Variants in POTEG observed in about 807,000 individuals in gnomAD.
POTEG encodes the protein ANKRD26-like family C member 2.
POTEG carries 2 observed loss-of-function variants against 49.6 expected under a neutral mutation model. The observed-to-expected ratio is 0.04, with a 90% CI of 0.02 to 0.13. The LOEUF is 0.13. Ranked by LOEUF, POTEG falls within the 10% of genes least tolerant of loss-of-function variation. The probability of loss-of-function intolerance (pLI) is 1.00; values close to 1 mark genes in which losing one functional copy is unlikely to be tolerated. For synonymous variants in POTEG, 7 were observed against 186.6 expected (o/e 0.04, Z 7.84); for missense variants, 26 against 545.2 (o/e 0.05, Z 9.48).
chr14:19,432,393 TA>T (rs1566383227), intron 1 of POTEG, among the ~76,000 whole-genome samples: 1 of 93,562 alleles, frequency 1.1e-5, no homozygotes, highest in Non-Finnish European at 2.3e-5. Context: ...TATATATATA[TA>T]TATATATATA....
At chr14:19,432,403 T>TATATACATAC (rs1330765784) in intron 1 of POTEG, among the ~76,000 whole-genome samples, 6 of 44,724 alleles carry the variant, frequency 1.3e-4, no homozygotes, top group East Asian at 5.6e-4. Flanking sequence ...TATATATATA[T>TATATACATAC]ACACACACAT....
At chr14:19,432,468 A>G (rs1352250848) in intron 1 of POTEG, among the ~76,000 whole-genome samples, 1 of 120,076 alleles carries the variant, frequency 8.3e-6, no homozygotes, top group Non-Finnish European at 1.7e-5. Context: ...ACATATATAC[A>G]TATATATACA....
At chr14:19,426,660 AC>A (rs1360607108) in intron 3 of POTEG, 1 of 448,590 alleles carries the variant, frequency 2.2e-6, no homozygotes, top group Non-Finnish European at 4.5e-6. Flanking sequence ...GATAGATACT[AC>A]CAATAATATT....
At chr14:19,415,948 C>G (rs1261610404) in intron 7 of POTEG, among the ~76,000 whole-genome samples, 3 of 145,948 alleles carry the variant, frequency 2.1e-5, no homozygotes, top group African/African-American at 7.4e-5. Flanking sequence ...AGGTTCATGG[C>G]ATTCTCCTGC....
At chr14:19,432,366 G>GTGTGTGTATA (rs1555310346) in intron 1 of POTEG, among the ~76,000 whole-genome samples, 9 of 37,874 alleles carry the variant, frequency 2.4e-4, no homozygotes, top group African/African-American at 7.2e-4. Context: ...AAGAAATTTT[G>GTGTGTGTATA]TATATATATA....
intron 9 of POTEG, among the ~76,000 whole-genome samples, chr14:19,409,004 GA>G (rs1302295456): frequency 2.1e-5 from 3 of 145,884 alleles, no homozygotes; most frequent in South Asian, 4.5e-4. Context: ...TTAACATAAA[GA>G]ATGTAGATTA....
At chr14:19,415,834 T>C (rs142127954) in intron 7 of POTEG, among the ~76,000 whole-genome samples, 2,462 of 13,556 alleles carry the variant, frequency 0.18, 101 homozygotes, top group Middle Eastern at 0.43. Flanking sequence ...TTAAAATTTT[T>C]TTTTTTTTTT....
intron 1 of POTEG, among the ~76,000 whole-genome samples, chr14:19,432,439 TATATATAC>T (rs1265509486): frequency 3.8e-4 from 38 of 100,570 alleles, no homozygotes; most frequent in African/African-American, 6.0e-4. Context: ...TACGTATATA[TATATATAC>T]ATATATATAT....
At chr14:19,433,113 G>C (rs1359618796) in intron 1 of POTEG, among the ~76,000 whole-genome samples, 109 of 146,076 alleles carry the variant, frequency 7.5e-4, no homozygotes, top group African/African-American at 2.8e-3. Flanking sequence ...TTTTTTAGTA[G>C]AGACGGGGTT....
Position 19,413,464 on chromosome 14 carries a change from C to CA in POTEG, c.1298dup (p.Pro434AlafsTer2), listed in dbSNP as rs1883427370. 1 of 1,118,614 alleles carries CA rather than the reference C, an allele frequency of 8.9e-7. No individual in the cohort carries two copies. The highest frequency in any genetic ancestry group is 2.5e-5 in the Admixed American group (1 of 39,824). The allele number at this position is 1,118,614 out of a possible 1,614,324, so 69.3% of individuals were successfully genotyped here. A position where few individuals can be genotyped will look rare whatever the true frequency, so the allele number is the denominator to read the frequency against. On this transcript the variant is annotated frameshift_variant, in exon 9 of 11. Coordinates refer to ENST00000547848, the MANE Select transcript of POTEG (RefSeq NM_001005356.3). LOFTEE classifies it high-confidence loss of function. ...CATTGTCAGCAGTGGCACCGTTAGGCAGGTTTTCTGGGAATCCCATATGAG... is the reference window on the plus strand; with the variant it reads ...CATTGTCAGCAGTGGCACCGTTAGGCAAGGTTTTCTGGGAATCCCATATGAG...
At chr14:19,431,601 TTG>T (rs1182498763) in intron 1 of POTEG, among the ~76,000 whole-genome samples, 3 of 53,074 alleles carry the variant, frequency 5.7e-5, no homozygotes, top group Non-Finnish European at 1.0e-4. Context: ...TTCATTCCTT[TTG>T]TTTGTTTGTT....
At chr14:19,431,285 G>A (rs1265183455) in intron 1 of POTEG, among the ~76,000 whole-genome samples, 5 of 152,390 alleles carry the variant, frequency 3.3e-5, no homozygotes, top group African/African-American at 9.6e-5. Context: ...ATATCTCTAT[G>A]TACTGACACC....
chr14:19,415,880 C>G (rs1393317287), intron 7 of POTEG, among the ~76,000 whole-genome samples: 1 of 115,878 alleles, frequency 8.6e-6, no homozygotes, highest in Non-Finnish European at 1.7e-5. Flanking sequence ...GAGTCTTGCT[C>G]TGTCACCCAG....
chr14:19,419,940 A>T (rs1458756508), intron 6 of POTEG, among the ~76,000 whole-genome samples: 2 of 143,744 alleles, frequency 1.4e-5, no homozygotes, highest in Non-Finnish European at 1.5e-5. Context: ...TTTCTATAGT[A>T]TTAAAAAGTC....
In POTEG at chr14:19,433,336, T is replaced by C. The variant is rs1328638854; in HGVS notation, c.521+433A>G. 2.6e-5 allele frequency among the ~76,000 whole-genome samples: 3 copies of C among 114,048 alleles called. 1 individual carries two copies. Among genetic ancestry groups the C allele is most frequent in the Non-Finnish European group, 5.5e-5 (3 of 54,834 alleles). 74.8% of individuals were successfully genotyped at this position (114,048 alleles called of 152,430 possible). The stretch of plus-strand genomic sequence containing the variant: ...CTAAGATTACTCAGTAAAGAACATA[T>C]TTACATAGTGTACATTGATATAAAA... On this transcript the variant is annotated intron_variant, in intron 1 of 10. Coordinates refer to ENST00000547848, the MANE Select transcript of POTEG (RefSeq NM_001005356.3).
intron 7 of POTEG, among the ~76,000 whole-genome samples, chr14:19,415,512 C>A (rs1205488108): frequency 2.7e-5 from 4 of 147,962 alleles, no homozygotes; most frequent in Admixed American, 2.0e-4. Context: ...AGCTCAGGGA[C>A]CATCAGTGTT....
rs1422428452 is a variant in POTEG, at chr14:19,416,017, T to G, written c.1197+271A>C. Among the ~76,000 whole-genome samples, 609 of 146,574 alleles carry G rather than the reference T, an allele frequency of 4.2e-3. 1 individual carries two copies. The highest frequency in any genetic ancestry group is 0.014 in the African/African-American group (578 of 39,890). ...CCACCACCACACCCGGCTAAGATTT[T>G]GTATTTTTAGTAGAGACGGGGTTTC... On this transcript the variant is annotated intron_variant, in intron 7 of 10. Coordinates refer to ENST00000547848, the MANE Select transcript of POTEG (RefSeq NM_001005356.3).
chr14:19,419,017 C>CA (rs1489557511), intron 6 of POTEG, among the ~76,000 whole-genome samples: 5 of 106,924 alleles, frequency 4.7e-5, no homozygotes, highest in African/African-American at 2.2e-4. Context: ...AAAAAAAAAA[C>CA]AAAAACAAAG....
chr14:19,413,404 T>TC lies in POTEG; in HGVS notation c.1358dup (p.Thr454AsnfsTer3). On this transcript the variant is annotated frameshift_variant, in exon 9 of 11. Transcript: ENST00000547848. LOFTEE classifies it high-confidence loss of function. ...CAGGAAATTGCTGGCTTTCAGGTGT[T>TC]CTGCTTTTCCTTGGTGGAATTAATC... The TC allele has an allele frequency of 1.4e-5, 17 of 1,240,352 alleles. No homozygotes were observed. Among genetic ancestry groups the TC allele is most frequent in the Non-Finnish European group, 1.8e-5 (17 of 936,408 alleles). The allele number at this position is 1,240,352 out of a possible 1,614,324, so 76.8% of individuals were successfully genotyped here.
Sources: gnomAD v4.1 joint callset for allele counts (sites outside exome capture counted in the v4.1 genomes callset) on GRCh38, gnomAD v4.1.1 for gene constraint, MANE v1.5 for transcripts, NCBI Gene and HGNC (gene_info 2026-07-23, HGNC 2026-07-21) for gene names.